The following HEG1 variants were observed in gnomAD, a reference collection of about 807,000 sequenced individuals.
The protein encoded by HEG1 is heart development protein with EGF like domains 1.
A neutral mutation model predicts 125.6 loss-of-function variants in HEG1; 56 were observed. The observed-to-expected ratio is 0.45, with a 90% CI of 0.36 to 0.56. The LOEUF is 0.56. Ranked by LOEUF, HEG1 falls within the 20% of genes least tolerant of loss-of-function variation. The probability of loss-of-function intolerance (pLI) is 0.00; values close to 1 mark genes in which losing one functional copy is unlikely to be tolerated. For synonymous variants in HEG1, 644 were observed against 668.5 expected (o/e 0.96, Z 0.57); for missense variants, 1,523 against 1,670.0 (o/e 0.91, Z 1.53).
intron 1 of HEG1, among the ~76,000 whole-genome samples, chr3:125,050,998 A>T (rs1004625723): frequency 6.6e-6 from 1 of 152,362 alleles, no homozygotes; most frequent in Admixed American, 6.5e-5. Flanking sequence ...GCAGGTATTC[A>T]TAACAACTGC....
At chr3:125,027,721 A>G (rs540043429) in intron 2 of HEG1, among the ~76,000 whole-genome samples, 22 of 152,314 alleles carry the variant, frequency 1.4e-4, no homozygotes, top group African/African-American at 4.8e-4. Context: ...TTGTGGTAAA[A>G]TTCTCAGAAA....
At chr3:125,051,908 G>A (rs1937813760) in intron 1 of HEG1, among the ~76,000 whole-genome samples, 1 of 152,138 alleles carries the variant, frequency 6.6e-6, no homozygotes, top group Non-Finnish European at 1.5e-5. Flanking sequence ...ATCACCAGGA[G>A]GGCAGAGGCT....
intron 16 of HEG1, among the ~76,000 whole-genome samples, chr3:124,973,128 C>T (rs1936475459): frequency 6.6e-6 from 1 of 151,896 alleles, no homozygotes; most frequent in African/African-American, 2.4e-5. Context: ...CTCAAGCAAT[C>T]CTCCCATCTT....
At chr3:125,031,850 G>A (rs545267888) in intron 1 of HEG1, among the ~76,000 whole-genome samples, 18 of 151,638 alleles carry the variant, frequency 1.2e-4, no homozygotes, top group African/African-American at 3.6e-4. Context: ...ACATACACAC[G>A]GAACAAGTTA....
At position 124,984,776 on chromosome 3, in the gene HEG1, C is replaced by CA. The variant is rs200701357; in HGVS notation, c.3733+6010dup. On this transcript the variant is annotated intron_variant, in intron 14 of 16. Transcript: ENST00000311127. ...CTCCGTCTCAAAAAAAACCAAAAAA[C>CA]AAAAAAACAACCAAAAAACAAAACA... Among the ~76,000 whole-genome samples the CA allele has an allele frequency of 8.1e-4, 123 of 151,540 alleles. 2 individuals carry two copies. In the East Asian group the frequency reaches 0.02, roughly 25 times the overall value.
At chr3:125,031,667 A>T (rs764998798) in intron 1 of HEG1, among the ~76,000 whole-genome samples, 1 of 144,116 alleles carries the variant, frequency 6.9e-6, no homozygotes, top group Non-Finnish European at 1.5e-5. Context: ...ACACACACAC[A>T]CACATACATA....
Position 125,012,995 on chromosome 3 carries a change from T to C in HEG1, c.2584A>G (p.Ser862Gly). The C allele has an allele frequency of 6.2e-7, 1 of 1,614,066 alleles. No homozygotes were observed. Among genetic ancestry groups the C allele is most frequent in the Non-Finnish European group, 8.5e-7 (1 of 1,179,906 alleles). ...GGGCCAGTGACCAGAGATGCTGTGC[T>C]TGACAGGGTGCCAGGAGTGGTCATA... ...PLMTTPGTLS[S>G]TASLVTGPIA... Residue 862 changes from serine (S) to glycine (G), a missense_variant, in exon 6 of 17, where the codon AGC (serine) becomes GGC (glycine). Physicochemically the swap from Ser to Gly is moderately conservative, Grantham distance 56. Transcript: ENST00000311127.
intron 6 of HEG1, 118 bp downstream of exon 6, chr3:125,012,505 A>G (rs1937170415): frequency 9.3e-7 from 1 of 1,078,692 alleles, no homozygotes; most frequent in Non-Finnish European, 1.3e-6. Context: ...GTCGCAAAAC[A>G]GAAGCTATTT....
At chr3:125,054,307 C>T (rs966958105) in intron 1 of HEG1, among the ~76,000 whole-genome samples, 1 of 152,114 alleles carries the variant, frequency 6.6e-6, no homozygotes, top group Admixed American at 6.5e-5. Flanking sequence ...TACTGTTCCT[C>T]GGTTTCTCAA....
intron 12 of HEG1, among the ~76,000 whole-genome samples, 172 bp downstream of exon 12, chr3:124,997,517 T>C (rs1560020405): frequency 6.6e-6 from 1 of 152,210 alleles, no homozygotes; most frequent in Non-Finnish European, 1.5e-5. Flanking sequence ...ATGCTATTAT[T>C]CCAAGGAGAT....
In HEG1 at chr3:125,055,817, G is replaced by C; in HGVS notation, c.74C>G (p.Pro25Arg). 5 of 979,556 alleles carry C rather than the reference G, an allele frequency of 5.1e-6. No homozygotes were observed. Among genetic ancestry groups the C allele is most frequent in the Non-Finnish European group, 6.1e-6 (5 of 826,330 alleles). 60.7% of individuals were successfully genotyped at this position (979,556 alleles called of 1,614,324 possible). Residue 25 changes from proline (P) to arginine (R), a missense_variant, in exon 1 of 17, where the codon CCG becomes CGG. Physicochemically the swap from Pro to Arg is moderately radical, Grantham distance 103. Coordinates refer to ENST00000311127, the MANE Select transcript of HEG1 (RefSeq NM_020733.2). ...LLLLPLLLLP[P>R]AAPGTRDPPP... Reference sequence around the variant, plus strand: ...CGGGTCCCGCGTCCCGGGGGCCGCCGGCGGCAGCAGCAGCAGCGGCAGCAA... The same window carrying C: ...CGGGTCCCGCGTCCCGGGGGCCGCCCGCGGCAGCAGCAGCAGCGGCAGCAA...
chr3:125,009,818 T>C lies in HEG1; in HGVS notation c.3080A>G (p.Asn1027Ser). Residue 1027 changes from asparagine to serine, a missense_variant, in exon 8 of 17, where the codon AAT becomes AGT. Physicochemically the swap from Asn to Ser is conservative, Grantham distance 46. Coordinates refer to ENST00000311127, the MANE Select transcript of HEG1 (RefSeq NM_020733.2). ...WQGDDCSVDV[N>S]ECLSNPCPST... ...TGGGCAGGGGTTCGACAGGCACTCA[T>C]TCACATCTGTAGAGGAGAAAAAAGA... 2 of 1,613,068 alleles carry C rather than the reference T, an allele frequency of 1.2e-6. No homozygotes were observed. The highest frequency in any genetic ancestry group is 1.1e-5 in the South Asian group (1 of 90,864).
At chr3:125,025,080 T>C (rs1465818097) in intron 3 of HEG1, among the ~76,000 whole-genome samples, 1 of 152,244 alleles carries the variant, frequency 6.6e-6, no homozygotes, top group Non-Finnish European at 1.5e-5. Flanking sequence ...GCTGGCTCTC[T>C]CTCAGCACTC....
At chr3:125,026,437 G>A (rs1937415553) in intron 3 of HEG1, among the ~76,000 whole-genome samples, 1 of 152,178 alleles carries the variant, frequency 6.6e-6, no homozygotes, top group Non-Finnish European at 1.5e-5. Context: ...GAATCCCTGA[G>A]CTGAGACTTA....
chr3:125,042,182 A>G (rs1444863579), intron 1 of HEG1, among the ~76,000 whole-genome samples: 2 of 152,158 alleles, frequency 1.3e-5, no homozygotes, highest in African/African-American at 4.8e-5. Flanking sequence ...AATCCCAGCA[A>G]TTTGGGAGGC....
Position 125,002,030 on chromosome 3 carries a change from G to A in HEG1, c.3357-18C>T. 1 of 1,613,494 alleles carries A rather than the reference G, an allele frequency of 6.2e-7. No individual in the cohort carries two copies. Among genetic ancestry groups the A allele is most frequent in the Non-Finnish European group, 8.5e-7 (1 of 1,179,690 alleles). On this transcript the variant is annotated intron_variant, in intron 10 of 16. Transcript: ENST00000311127. ...TGGACTCCCTATAGGCAAAGTTTGT[G>A]GGTTTTTAACAGCCCTGAAATGACA...
rs554181907 is a variant in HEG1, at chr3:124,998,233, G to A, written c.3518-410C>T. Among the ~76,000 whole-genome samples, 44 of 152,202 alleles carry A rather than the reference G, an allele frequency of 2.9e-4. 1 individual carries two copies. Among genetic ancestry groups the A allele is most frequent in the Non-Finnish European group, 5.7e-4 (39 of 68,038 alleles). Reference sequence around the variant, plus strand: ...AATACGGCTGAGTTCTTAGGAAGCCGAGACTTGGACTAAGAACAGGAGTGC... The same window carrying A: ...AATACGGCTGAGTTCTTAGGAAGCCAAGACTTGGACTAAGAACAGGAGTGC... On this transcript the variant is annotated intron_variant, in intron 11 of 16. Coordinates refer to ENST00000311127, the MANE Select transcript of HEG1 (RefSeq NM_020733.2).
intron 9 of HEG1, 25 bp downstream of exon 9, chr3:125,005,240 G>A: frequency 1.5e-6 from 2 of 1,376,020 alleles, no homozygotes; most frequent in Middle Eastern, 1.8e-4. Context: ...AAGACGAGTA[G>A]AAAGATGCCA....
Position 124,970,550 on chromosome 3 carries a change from C to T in HEG1, c.*102G>A, listed in dbSNP as rs1192599837. The T allele has an allele frequency of 2.9e-5, 30 of 1,048,530 alleles. No homozygotes were observed. The highest frequency in any genetic ancestry group is 1.4e-4 in the African/African-American group (9 of 62,574). The allele number at this position is 1,048,530 out of a possible 1,614,324, so 65.0% of individuals were successfully genotyped here. A position where few individuals can be genotyped will look rare whatever the true frequency, so the allele number is the denominator to read the frequency against. ...GTCCCTCTTCCTGCTTGCCACTCAG[C>T]GTGGCTCCCGACAAATCCTGGGCGC... On this transcript the variant is annotated 3_prime_UTR_variant, in exon 17 of 17. Transcript: ENST00000311127.
Sources: allele counts gnomAD v4.1 joint callset (sites outside exome capture counted in the v4.1 genomes callset), GRCh38; gene constraint gnomAD v4.1.1; transcripts MANE v1.5; gene names NCBI Gene and HGNC (gene_info 2026-07-23, HGNC 2026-07-21).